RHOBTB3: variants seen among roughly 807,000 people sequenced by gnomAD.
RHOBTB3 encodes rho-related BTB domain-containing protein 3.
A neutral mutation model predicts 67.2 loss-of-function variants in RHOBTB3; 47 were observed. The observed-to-expected ratio is 0.70, with a 90% confidence interval of 0.55 to 0.89. The LOEUF is 0.89. Among genes scored for constraint, RHOBTB3 ranks in the 40% least tolerant of loss-of-function variants. RHOBTB3 has a pLI of 0.00. For missense variants in RHOBTB3, 631 were observed against 750.0 expected, an observed-to-expected ratio of 0.84 and a Z score of 1.85; for synonymous variants, 273 against 274.2, an observed-to-expected ratio of 1.00 and a Z score of 0.04.
intron 8 of RHOBTB3, among the ~76,000 whole-genome samples, chr5:95,779,041 A>T (rs1400493020): frequency 6.6e-6 from 1 of 152,242 alleles, no homozygotes; most frequent in Admixed American, 6.5e-5. Flanking sequence ...CTGGGCTTAG[A>T]TGTAACTCTT....
At chr5:95,788,704 C>G (rs1241844683) in intron 10 of RHOBTB3, 58 bp from the exon 11 acceptor site, 1 of 1,155,598 alleles carries the variant, frequency 8.7e-7, no homozygotes, top group Non-Finnish European at 1.3e-6. Context: ...TTCTCTTGAT[C>G]TTATCATACC....
intron 1 of RHOBTB3, 79 bp from the exon 2 acceptor site, chr5:95,731,780 C>G: frequency 6.2e-7 from 1 of 1,603,158 alleles, no homozygotes; most frequent in Non-Finnish European, 8.5e-7. Context: ...GCGCGCTGTC[C>G]CCCGCACTTC....
At chr5:95,792,600 G>C (rs1482247938) in intron 11 of RHOBTB3, among the ~76,000 whole-genome samples, 1 of 151,586 alleles carries the variant, frequency 6.6e-6, no homozygotes, top group African/African-American at 2.4e-5. Context: ...AGACCATCCT[G>C]GCCAACAAGG....
At chr5:95,743,940 C>G (rs1755676010) in intron 3 of RHOBTB3, among the ~76,000 whole-genome samples, 1 of 151,666 alleles carries the variant, frequency 6.6e-6, no homozygotes, top group South Asian at 2.1e-4. Flanking sequence ...AACTCCTGAC[C>G]TCAAGTTATC....
chr5:95,731,747 AG>A, intron 1 of RHOBTB3, 63 bp downstream of exon 1: 1 of 1,608,714 alleles, frequency 6.2e-7, no homozygotes, highest in Non-Finnish European at 8.5e-7. Context: ...CCCCAGGGAC[AG>A]GGGCTGGTGC....
chr5:95,765,606 G>T (rs1745519465), intron 7 of RHOBTB3, among the ~76,000 whole-genome samples: 1 of 152,220 alleles, frequency 6.6e-6, no homozygotes, highest in Non-Finnish European at 1.5e-5. Flanking sequence ...CCTATAAAAT[G>T]AGGGGTAAAT....
chr5:95,744,728 C>G (rs1449597675), intron 3 of RHOBTB3, among the ~76,000 whole-genome samples: 1 of 152,138 alleles, frequency 6.6e-6, no homozygotes, highest in East Asian at 1.9e-4. Context: ...CCTGGTAATT[C>G]CCTTGGAACT....
rs1357710930 is a variant in RHOBTB3 at position 95,731,635 on chromosome 5, A to G, written c.-48A>G. 3 of 1,611,608 alleles carry G rather than the reference A, an allele frequency of 1.9e-6. No homozygotes were observed. Among genetic ancestry groups the G allele is most frequent in the Non-Finnish European group, 2.5e-6 (3 of 1,179,252 alleles). ...CGCCCGGGGGCCCCGCGAAGCCGTG[A>G]GCCGCTGCTTTTCTCCGAGTCGCCG... On this transcript the variant is annotated 5_prime_UTR_variant, in exon 1 of 12. The change abolishes the stop of an existing upstream ORF in the 5' untranslated region. Coordinates refer to ENST00000379982, the MANE Select transcript of RHOBTB3 (RefSeq NM_014899.4).
In RHOBTB3 at chr5:95,737,140, A is replaced by G; in HGVS notation, c.415+65A>G. The G allele has an allele frequency of 3.6e-6, 4 of 1,095,910 alleles. No individual in the cohort carries two copies. In the South Asian group the frequency reaches 4.4e-5, roughly 12 times the overall value. 67.9% of individuals were successfully genotyped at this position (1,095,910 alleles called of 1,614,324 possible). A position where few individuals can be genotyped will look rare whatever the true frequency, so the allele number is the denominator to read the frequency against. ...TATTATATATACTTTAAATAGTGCTAAGTTTATTAATGGATAATAGGGTTT... is the reference window on the plus strand; with the variant it reads ...TATTATATATACTTTAAATAGTGCTGAGTTTATTAATGGATAATAGGGTTT... On this transcript the variant is annotated intron_variant, in intron 3 of 11. Coordinates refer to ENST00000379982, the MANE Select transcript of RHOBTB3 (RefSeq NM_014899.4).
chr5:95,748,463 C>T lies in RHOBTB3; in HGVS notation c.546C>T (p.Tyr182=), dbSNP rs755056440. ...YLELHSLDDF[Y]IGKYFGGVLE... The stretch of plus-strand genomic sequence containing the variant: ...AACTCCACAGCCTTGATGACTTCTA[C>T]ATAGGAAAGTATTTTGGAGGAGTGG... The change falls in exon 4 of 12, where the codon TAC becomes TAT. Residue 182 remains tyrosine (Y), a synonymous_variant. Coordinates refer to ENST00000379982, the MANE Select transcript of RHOBTB3 (RefSeq NM_014899.4). 6.2e-7 allele frequency: 1 copy of T among 1,611,498 alleles called. No individual in the cohort carries two copies. Among genetic ancestry groups the T allele is most frequent in the Non-Finnish European group, 8.5e-7 (1 of 1,178,688 alleles).
chr5:95,769,160 C>G (rs570723319), intron 8 of RHOBTB3: 9 of 353,354 alleles, frequency 2.5e-5, no homozygotes, highest in Admixed American at 5.9e-5. Context: ...ACAGTGGGGC[C>G]GAAGGGAAGA....
intron 7 of RHOBTB3, 75 bp from the exon 8 acceptor site, chr5:95,767,971 A>G: frequency 6.9e-7 from 1 of 1,442,830 alleles, no homozygotes; most frequent in Non-Finnish European, 9.8e-7. Context: ...ATAATTTTCC[A>G]AATTCCTAGC....
rs376553308 is a variant in RHOBTB3 at position 95,767,353 on chromosome 5, T to C, written c.1162-693T>C. On this transcript the variant is annotated intron_variant, in intron 7 of 11. Coordinates refer to ENST00000379982, the MANE Select transcript of RHOBTB3 (RefSeq NM_014899.4). ...TTGTATTTTTCTTTCTTTTTTTTTT[T>C]TGGAGACAGGGTTTCACTCTGTTGC... Among the ~76,000 whole-genome samples the C allele has an allele frequency of 1.7e-3, 258 of 152,148 alleles. 1 individual carries two copies. Among genetic ancestry groups the C allele is most frequent in the African/African-American group, 5.7e-3 (236 of 41,522 alleles).
intron 3 of RHOBTB3, among the ~76,000 whole-genome samples, chr5:95,744,754 T>TTTGA (rs1268328496): frequency 1.3e-5 from 2 of 151,080 alleles, no homozygotes; most frequent in Non-Finnish European, 3.0e-5. Context: ...TAACTTTTTG[T>TTTGA]TTGTTTGTTT....
chr5:95,739,929 A>G (rs1755551761), intron 3 of RHOBTB3, among the ~76,000 whole-genome samples: 1 of 152,154 alleles, frequency 6.6e-6, no homozygotes. Context: ...TCTTCATATG[A>G]TAACCACTGA....
At position 95,749,332 on chromosome 5, in the gene RHOBTB3, TA is replaced by T. The variant is rs532577174; in HGVS notation, c.570+848del. ...CCAATACGCCCCAATATTCATTATG[TA>T]AATTCATGTTAAAATGTTGAGGTTC... On this transcript the variant is annotated intron_variant, in intron 4 of 11. Transcript: ENST00000379982. Among the ~76,000 whole-genome samples the T allele has an allele frequency of 2.3e-3, 345 of 152,372 alleles. 1 individual carries two copies. The highest frequency in any genetic ancestry group is 3.7e-3 in the Non-Finnish European group (254 of 68,030).
rs1262211465 is a variant in RHOBTB3, at chr5:95,731,433, G to A, written c.-250G>A. The A allele has an allele frequency of 2.5e-6, 3 of 1,198,458 alleles. No homozygotes were observed. The highest frequency in any genetic ancestry group is 4.5e-5 in the Admixed American group (1 of 21,998). 74.2% of individuals were successfully genotyped at this position (1,198,458 alleles called of 1,614,324 possible). On this transcript the variant is annotated 5_prime_UTR_variant, in exon 1 of 12. Coordinates refer to ENST00000379982, the MANE Select transcript of RHOBTB3 (RefSeq NM_014899.4). ...GCTGTGCGGCGGTCCCGCGCCCGGCGATGTTCCCGGGCACTCCCTGAGTAG... is the reference window on the plus strand; with the variant it reads ...GCTGTGCGGCGGTCCCGCGCCCGGCAATGTTCCCGGGCACTCCCTGAGTAG...
intron 1 of RHOBTB3, among the ~76,000 whole-genome samples, chr5:95,720,369 G>A (rs1354096392): frequency 6.6e-6 from 1 of 152,050 alleles, no homozygotes; most frequent in Non-Finnish European, 1.5e-5. Flanking sequence ...ATTATGATGG[G>A]GATCATTAGC....
At chr5:95,743,326 G>A (rs1312931451) in intron 3 of RHOBTB3, among the ~76,000 whole-genome samples, 2 of 151,982 alleles carry the variant, frequency 1.3e-5, no homozygotes, top group African/African-American at 2.4e-5. Flanking sequence ...TCTGGGGATG[G>A]GGGTGTAAGT....
Sources: gnomAD v4.1 joint callset for allele counts (sites outside exome capture counted in the v4.1 genomes callset) on GRCh38, gnomAD v4.1.1 for gene constraint, MANE v1.5 for transcripts, NCBI Gene and HGNC (gene_info 2026-07-23, HGNC 2026-07-21) for gene names.